The following PRKAB2 variants were observed in gnomAD, a reference collection of about 807,000 sequenced individuals.
The protein encoded by PRKAB2 is 5'-AMP-activated protein kinase subunit beta-2.
A neutral mutation model predicts 29.8 loss-of-function variants in PRKAB2; 18 were observed. The ratio of observed to expected loss-of-function variants is 0.60; its 90% CI spans 0.42 to 0.89. The LOEUF is 0.89. Among genes scored for constraint, PRKAB2 ranks in the 40% least tolerant of loss-of-function variants. The pLI, the probability that PRKAB2 is intolerant of heterozygous loss-of-function variation, is 0.00. For synonymous variants in PRKAB2, 136 were observed against 125.9 expected, an observed-to-expected ratio of 1.08 and a Z score of -0.54; for missense variants, 270 against 344.3, an observed-to-expected ratio of 0.78 and a Z score of 1.71.
rs182440872 is a variant in PRKAB2 at position 147,166,918 on chromosome 1, G to T, written c.345C>A (p.Ile115=). 201 of 1,613,990 alleles carry T rather than the reference G, an allele frequency of 1.2e-4. No individual in the cohort carries two copies. The Admixed American group carries it at 3.3e-3, about 26-fold the overall frequency. ...GGTGCTCTCCCTCAGGGAGGTCCAG[G>T]ATGGCAACAAAGTCATTATGGCTAC... The part of the protein sequence containing the change: ...LIKSHNDFVA[I]LDLPEGEHQY... The change falls in exon 4 of 8, where the codon ATC becomes ATA. Residue 115 remains isoleucine, a synonymous_variant. Transcript: ENST00000254101.
chr1:147,168,010 T>C (rs1388586048), intron 2 of PRKAB2, 77 bp from the exon 3 acceptor site: 9 of 1,458,550 alleles, frequency 6.2e-6, no homozygotes, highest in East Asian at 2.3e-5. Context: ...CTCCCTAGGA[T>C]AGAGAAGGGT....
rs1653838403 is a variant in PRKAB2, at chr1:147,159,426, A to G, written c.*139T>C. On this transcript the variant is annotated 3_prime_UTR_variant, in exon 8 of 8. Transcript: ENST00000254101. ...CATCTGCAATCAAATGCAAAAGCAG[A>G]GCATCCTACTCAGAGGCTCTGAAAC... 3 of 640,182 alleles carry G rather than the reference A, an allele frequency of 4.7e-6. No individual in the cohort carries two copies. The highest frequency in any genetic ancestry group is 2.7e-6 in the Non-Finnish European group (1 of 372,392). The allele number at this position is 640,182 out of a possible 1,614,324, so 39.7% of individuals were successfully genotyped here. A position where few individuals can be genotyped will look rare whatever the true frequency, so the allele number is the denominator to read the frequency against.
chr1:147,162,574 C>A lies in PRKAB2; in HGVS notation c.539-1G>T. 6.2e-7 allele frequency: 1 copy of A among 1,601,952 alleles called. No individual in the cohort carries two copies. The highest frequency in any genetic ancestry group is 8.5e-7 in the Non-Finnish European group (1 of 1,175,028). On this transcript the variant is annotated splice_acceptor_variant, in intron 5 of 7. Transcript: ENST00000254101. LOFTEE classifies it high-confidence loss of function. Reference sequence around the variant, plus strand: ...GGCCCTGGGGGTGAGCTGGAAAGGTCTGAAAGATATTTATACAAATATGAG... The same window carrying A: ...GGCCCTGGGGGTGAGCTGGAAAGGTATGAAAGATATTTATACAAATATGAG...
At position 147,166,555 on chromosome 1, in the gene PRKAB2, C is replaced by G; in HGVS notation, c.481G>C (p.Glu161Gln). The change falls in exon 5 of 8, where the codon GAG becomes CAG. Residue 161 changes from glutamate to glutamine, a missense_variant. Around this residue, in one of 2 missense-constraint regions of PRKAB2, gnomAD observed 228 missense variants for 255.5 expected, o/e 0.89. Transcript: ENST00000254101. Reference protein sequence around the residue: ...NLIHVKKSDFEVFDALKLDSM... With the variant: ...NLIHVKKSDFQVFDALKLDSM... ...TCTAACTTTAAAGCATCGAACACCTCAAAATCAGATTTCTTGACATGGATC... is the reference window on the plus strand; with the variant it reads ...TCTAACTTTAAAGCATCGAACACCTGAAAATCAGATTTCTTGACATGGATC... 6.2e-7 allele frequency: 1 copy of G among 1,614,108 alleles called. No homozygotes were observed. Among genetic ancestry groups the G allele is most frequent in the African/African-American group, 1.3e-5 (1 of 75,068 alleles).
rs1654018839 is a variant in PRKAB2, at chr1:147,162,497, T to C, written c.615A>G (p.Pro205=). ...GAAGTAGATGAGGAGGAAGGATGGG[T>C]GGGGATTTGAATCTTTCCTCAGATC... ...AFRSEERFKS[P]PILPPHLLQV... Residue 205 remains proline (P), a synonymous_variant, in exon 6 of 8, where the codon CCA becomes CCG. Transcript: ENST00000254101. 1.2e-6 allele frequency: 2 copies of C among 1,611,482 alleles called. No individual in the cohort carries two copies. Among genetic ancestry groups the C allele is most frequent in the Non-Finnish European group, 1.7e-6 (2 of 1,177,754 alleles).
At chr1:147,170,481 G>T (rs1015919202) in intron 2 of PRKAB2, among the ~76,000 whole-genome samples, 2 of 152,188 alleles carry the variant, frequency 1.3e-5, no homozygotes, top group Non-Finnish European at 2.9e-5. Context: ...AGTAAATTCA[G>T]ATGGCTTGTA....
chr1:147,168,226 A>G (rs1654348091), intron 2 of PRKAB2, among the ~76,000 whole-genome samples: 1 of 152,146 alleles, frequency 6.6e-6, no homozygotes, highest in Non-Finnish European at 1.5e-5. Flanking sequence ...AAAAAGAAAA[A>G]AATAACTCCC....
In PRKAB2 at chr1:147,156,058, T is replaced by C. The variant is rs1653658360; in HGVS notation, c.*3507A>G. On this transcript the variant is annotated 3_prime_UTR_variant, in exon 8 of 8. Transcript: ENST00000254101. ...TACCCCTCCCAGGTCCTGCATTCCA[T>C]GGGTAACTGGAGTCAGCAGCCCCTG... The C allele has an allele frequency of 6.6e-6, 1 of 152,346 alleles. No individual in the cohort carries two copies. The highest frequency in any genetic ancestry group is 6.6e-5 in the Admixed American group (1 of 15,250). 9.4% of individuals were successfully genotyped at this position (152,346 alleles called of 1,614,324 possible).
chr1:147,160,146 T>C (rs1448971496), intron 7 of PRKAB2, among the ~76,000 whole-genome samples: 1 of 152,178 alleles, frequency 6.6e-6, no homozygotes, highest in African/African-American at 2.4e-5. Flanking sequence ...AATTTTCATT[T>C]AAAACCAGGG....
chr1:147,166,739 G>T (rs1208016006), intron 4 of PRKAB2, 107 bp downstream of exon 4: 2 of 1,550,594 alleles, frequency 1.3e-6, no homozygotes, highest in South Asian at 1.2e-5. Flanking sequence ...TTTATCAAGA[G>T]AGAAATCCTC....
At chr1:147,165,744 C>T (rs1654212813) in intron 5 of PRKAB2, among the ~76,000 whole-genome samples, 1 of 150,528 alleles carries the variant, frequency 6.6e-6, no homozygotes, top group African/African-American at 2.4e-5. Flanking sequence ...TTTTTTTTAA[C>T]CAAAAATTTA....
At chr1:147,161,892 G>A in intron 6 of PRKAB2, 112 bp from the exon 7 acceptor site, 1 of 796,460 alleles carries the variant, frequency 1.3e-6, no homozygotes, top group Non-Finnish European at 2.0e-6. Flanking sequence ...AAACTAGAAT[G>A]CGCTATCTCT....
At chr1:147,166,753 T>A (rs1296440763) in intron 4 of PRKAB2, 93 bp downstream of exon 4, 1 of 1,547,746 alleles carries the variant, frequency 6.5e-7, no homozygotes, top group East Asian at 2.2e-5. Context: ...AATCCTCCAG[T>A]GTAGGGGAGC....
rs782517115 is a variant in PRKAB2, at chr1:147,166,549, A to G, written c.487T>C (p.Phe163Leu). The G allele has an allele frequency of 7.4e-6, 12 of 1,614,104 alleles. No homozygotes were observed. The South Asian group carries it at 1.3e-4, about 18-fold the overall frequency. Residue 163 changes from phenylalanine to leucine, a missense_variant, in exon 5 of 8, where the codon TTC becomes CTC. Physicochemically the swap from Phe to Leu is conservative, Grantham distance 22. Coordinates refer to ENST00000254101, the MANE Select transcript of PRKAB2 (RefSeq NM_005399.5). ...ATAGAATCTAACTTTAAAGCATCGAACACCTCAAAATCAGATTTCTTGACA... is the reference window on the plus strand; with the variant it reads ...ATAGAATCTAACTTTAAAGCATCGAGCACCTCAAAATCAGATTTCTTGACA... ...IHVKKSDFEV[F>L]DALKLDSMES... is the part of the protein sequence containing the mutation.
rs1297651291 is a variant in PRKAB2, at chr1:147,158,433, G to GTGTA, written c.*1128_*1131dup. 1 of 152,104 alleles carries GTGTA rather than the reference G, an allele frequency of 6.6e-6. No individual in the cohort carries two copies. The highest frequency in any genetic ancestry group is 1.5e-5 in the Non-Finnish European group (1 of 68,018). 9.4% of individuals were successfully genotyped at this position (152,104 alleles called of 1,614,324 possible). On this transcript the variant is annotated 3_prime_UTR_variant, in exon 8 of 8. Coordinates refer to ENST00000254101, the MANE Select transcript of PRKAB2 (RefSeq NM_005399.5). Reference sequence around the variant, plus strand: ...CTAGAGCAGTGTTTAGTGTAGTGATGTGTACAGGGTTGGCCATATTAATCT... The same window carrying GTGTA: ...CTAGAGCAGTGTTTAGTGTAGTGATGTGTATGTACAGGGTTGGCCATATTAATCT...
intron 2 of PRKAB2, among the ~76,000 whole-genome samples, chr1:147,170,443 G>A (rs1654464235): frequency 6.6e-6 from 1 of 152,102 alleles, no homozygotes; most frequent in Non-Finnish European, 1.5e-5. Flanking sequence ...ATATAATGAG[G>A]CGGATCACCT....
chr1:147,159,580 T>C lies in PRKAB2; in HGVS notation c.804A>G (p.Leu268=), dbSNP rs782439874. The C allele has an allele frequency of 2.5e-6, 4 of 1,613,470 alleles. No homozygotes were observed. Among genetic ancestry groups the C allele is most frequent in the Non-Finnish European group, 3.4e-6 (4 of 1,179,592 alleles). ...RYKKKYVTTL[L]YKPI ...AGGGATCCCTTCAAATGGGCTTGTA[T>C]AGCAGAGTAGTAACATACTTCTTCT... The change falls in exon 8 of 8, where the codon CTA becomes CTG. Residue 268 remains leucine, a synonymous_variant. Transcript: ENST00000254101.
chr1:147,162,615 T>C, intron 5 of PRKAB2, 42 bp from the exon 6 acceptor site: 3 of 1,558,408 alleles, frequency 1.9e-6, no homozygotes, highest in African/African-American at 1.4e-5. Context: ...GTTGGAGAAT[T>C]AGCAAGAATG....
At chr1:147,163,871 T>G (rs1334829609) in intron 5 of PRKAB2, among the ~76,000 whole-genome samples, 6 of 152,212 alleles carry the variant, frequency 3.9e-5, no homozygotes, top group African/African-American at 1.4e-4. Context: ...TGAAAAAAAG[T>G]ATGCAGACAA....
Sources: gnomAD v4.1 joint callset for allele counts (sites outside exome capture counted in the v4.1 genomes callset) on GRCh38, gnomAD v4.1.1 for gene constraint, gnomAD v4.1.1 regional missense constraint, MANE v1.5 for transcripts, NCBI Gene and HGNC (gene_info 2026-07-23, HGNC 2026-07-21) for gene names.